Variants in SPECC1 observed in about 807,000 individuals in gnomAD.
SPECC1 encodes the protein sperm antigen with calponin homology and coiled-coil domains 1.
A neutral mutation model predicts 104.1 loss-of-function variants in SPECC1; 62 were observed. That is an observed-to-expected ratio of 0.60 (90% CI 0.49 to 0.74). The LOEUF (loss-of-function observed/expected upper bound fraction) is 0.74, where lower values mean the gene tolerates loss of function less well. Among genes scored for constraint, SPECC1 ranks in the 30% least tolerant of loss-of-function variants. The probability of loss-of-function intolerance (pLI) is 0.00; values close to 1 mark genes in which losing one functional copy is unlikely to be tolerated. For synonymous variants in SPECC1, 513 were observed against 501.6 expected, an observed-to-expected ratio of 1.02 and a Z score of -0.30; for missense variants, 1,306 against 1,310.5, an observed-to-expected ratio of 1.00 and a Z score of 0.05.
At chr17:20,226,801 T>G (rs1201421937) in intron 4 of SPECC1, among the ~76,000 whole-genome samples, 1 of 152,346 alleles carries the variant, frequency 6.6e-6, no homozygotes, top group East Asian at 1.9e-4. Flanking sequence ...TGATAGAGCA[T>G]GAATGTGATA....
At chr17:20,041,691 G>A (rs909993372) in intron 1 of SPECC1, among the ~76,000 whole-genome samples, 2 of 136,636 alleles carry the variant, frequency 1.5e-5, no homozygotes, top group African/African-American at 2.7e-5. Context: ...GCGGTGGTGC[G>A]ATCTCGGCTC....
chr17:20,252,681 A>G (rs964274737), intron 9 of SPECC1, among the ~76,000 whole-genome samples: 6 of 152,206 alleles, frequency 3.9e-5, no homozygotes, highest in African/African-American at 1.4e-4. Context: ...TTTATGTTGT[A>G]GCATGGGACA....
intron 3 of SPECC1, among the ~76,000 whole-genome samples, chr17:20,202,393 A>G (rs1026347719): frequency 2.0e-5 from 3 of 152,116 alleles, no homozygotes; most frequent in Admixed American, 2.0e-4. Context: ...GAATAACACT[A>G]TGGGACCCAT....
chr17:20,297,849 G>A (rs979490684), intron 13 of SPECC1, among the ~76,000 whole-genome samples: 19 of 152,118 alleles, frequency 1.2e-4, no homozygotes, highest in African/African-American at 4.1e-4. Flanking sequence ...GTCAAGCATC[G>A]GGCACTATCA....
At chr17:20,042,678 C>T (rs1045865545) in intron 1 of SPECC1, among the ~76,000 whole-genome samples, 1 of 152,210 alleles carries the variant, frequency 6.6e-6, no homozygotes, top group Non-Finnish European at 1.5e-5. Flanking sequence ...TGTGTTCCAT[C>T]TCATTAGACT....
At chr17:20,161,037 C>G (rs1483211123) in intron 3 of SPECC1, among the ~76,000 whole-genome samples, 1 of 152,084 alleles carries the variant, frequency 6.6e-6, no homozygotes, top group Non-Finnish European at 1.5e-5. Flanking sequence ...ATGGTGAAAC[C>G]CCGTCTCTAC....
At chr17:20,153,793 T>TA (rs2032222806) in intron 3 of SPECC1, among the ~76,000 whole-genome samples, 1 of 152,230 alleles carries the variant, frequency 6.6e-6, no homozygotes, top group East Asian at 1.9e-4. Flanking sequence ...GTGTCACTCT[T>TA]ACCATGATCA....
At chr17:20,140,642 C>T (rs779783121) in intron 3 of SPECC1, among the ~76,000 whole-genome samples, 82 of 152,290 alleles carry the variant, frequency 5.4e-4, no homozygotes, top group Middle Eastern at 6.8e-3. Flanking sequence ...AGCATGAGTG[C>T]CCAGGTGTCC....
At chr17:20,231,278 A>G (rs2038559320) in intron 5 of SPECC1, among the ~76,000 whole-genome samples, 1 of 152,228 alleles carries the variant, frequency 6.6e-6, no homozygotes, top group Admixed American at 6.5e-5. Flanking sequence ...CCAGTGATTT[A>G]GAGGCTTAAC....
Position 20,253,569 on chromosome 17 carries a change from C to G in SPECC1, c.2663C>G (p.Pro888Arg), listed in dbSNP as rs541807639. 1.9e-6 allele frequency: 3 copies of G among 1,614,074 alleles called. No individual in the cohort carries two copies. Among genetic ancestry groups the G allele is most frequent in the East Asian group, 4.5e-5 (2 of 44,882 alleles). The change falls in exon 10 of 15, where the codon CCT (proline) becomes CGT (arginine). Residue 888 changes from proline (P) to arginine (R), a missense_variant. Transcript: ENST00000395527. ...SRGVTQRLDL[P>R]DLPLSDILKG... ...GGGGTGACTCAACGCTTGGACCTTC[C>G]TGACCTTCCCCTCTCAGGTAAATTA... is the stretch of plus-strand genomic sequence containing the variant.
intron 2 of SPECC1, among the ~76,000 whole-genome samples, chr17:20,097,127 C>A (rs1448711258): frequency 6.6e-6 from 1 of 152,170 alleles, no homozygotes; most frequent in East Asian, 1.9e-4. Context: ...TTGCAGCCCC[C>A]CACAATCCAG....
At chr17:20,309,469 G>A (rs181887623) in intron 14 of SPECC1, among the ~76,000 whole-genome samples, 78 of 152,318 alleles carry the variant, frequency 5.1e-4, no homozygotes, top group African/African-American at 1.8e-3. Flanking sequence ...ACTGGATGAT[G>A]CTGAGGTTTG....
chr17:20,086,689 G>C (rs963381384), intron 1 of SPECC1, among the ~76,000 whole-genome samples: 6 of 152,308 alleles, frequency 3.9e-5, no homozygotes, highest in Non-Finnish European at 8.8e-5. Flanking sequence ...AGTGGACGTG[G>C]TGAGGGGCCA....
intron 3 of SPECC1, among the ~76,000 whole-genome samples, chr17:20,153,616 G>A (rs2032207751): frequency 6.6e-6 from 1 of 152,258 alleles, no homozygotes; most frequent in African/African-American, 2.4e-5. Context: ...TATTTTAAAT[G>A]TGGGAGGTGA....
intron 3 of SPECC1, among the ~76,000 whole-genome samples, chr17:20,167,471 G>C (rs1442673815): frequency 6.6e-6 from 1 of 152,106 alleles, no homozygotes; most frequent in African/African-American, 2.4e-5. Context: ...CCAAAGTCAG[G>C]AGTTCGAGAC....
At chr17:20,303,511 G>C (rs552087663) in intron 13 of SPECC1, among the ~76,000 whole-genome samples, 1 of 152,266 alleles carries the variant, frequency 6.6e-6, no homozygotes, top group Non-Finnish European at 1.5e-5. Flanking sequence ...CCTAGAGTTT[G>C]CTTCAGTGTC....
chr17:20,037,684 A>G (rs2045147609), intron 1 of SPECC1, among the ~76,000 whole-genome samples: 2 of 152,070 alleles, frequency 1.3e-5, no homozygotes, highest in Admixed American at 1.3e-4. Flanking sequence ...AACATTTGGT[A>G]GAATTCTTCA....
intron 13 of SPECC1, among the ~76,000 whole-genome samples, chr17:20,298,024 A>G (rs188535597): frequency 3.5e-4 from 53 of 152,350 alleles, no homozygotes; most frequent in African/African-American, 1.1e-3. Context: ...CGGGGATCAC[A>G]TTTAGACCAG....
At chr17:20,301,221 G>A (rs951354944) in intron 13 of SPECC1, among the ~76,000 whole-genome samples, 4 of 152,074 alleles carry the variant, frequency 2.6e-5, no homozygotes, top group Non-Finnish European at 4.4e-5. Flanking sequence ...CTGAGCACAC[G>A]GGGGGAATCT....
Sources: allele counts gnomAD v4.1 joint callset (sites outside exome capture counted in the v4.1 genomes callset), GRCh38; gene constraint gnomAD v4.1.1; transcripts MANE v1.5; gene names NCBI Gene and HGNC (gene_info 2026-07-23, HGNC 2026-07-21).